The following EXT1 variants were observed in gnomAD, a reference collection of about 807,000 sequenced individuals.
EXT1 encodes the protein exostosin glycosyltransferase 1.
Under a neutral mutation model 82.5 loss-of-function variants are expected in EXT1, and 20 were observed. The ratio of observed to expected loss-of-function variants is 0.24; its 90% CI spans 0.17 to 0.35. EXT1 has a LOEUF of 0.35. Among genes scored for constraint, EXT1 ranks in the 10% least tolerant of loss-of-function variants. The pLI, the probability that EXT1 is intolerant of heterozygous loss-of-function variation, is 1.00. For synonymous variants in EXT1, 348 were observed against 350.8 expected (o/e 0.99, Z 0.09); for missense variants, 757 against 936.5 (o/e 0.81, Z 2.50).
intron 1 of EXT1, among the ~76,000 whole-genome samples, chr8:117,846,589 A>G (rs1483141187): frequency 6.6e-6 from 1 of 152,196 alleles, no homozygotes; most frequent in African/African-American, 2.4e-5. Flanking sequence ...GGGATTAACA[A>G]TAAAAGAGCC....
intron 1 of EXT1, among the ~76,000 whole-genome samples, chr8:117,880,864 T>G (rs1227332483): frequency 6.6e-6 from 1 of 152,244 alleles, no homozygotes; most frequent in Admixed American, 6.5e-5. Context: ...GTGCTGGGAT[T>G]ACAGGTGTGA....
At chr8:117,814,112 G>A (rs1811748879) in intron 7 of EXT1, among the ~76,000 whole-genome samples, 1 of 151,824 alleles carries the variant, frequency 6.6e-6, no homozygotes, top group Non-Finnish European at 1.5e-5. Flanking sequence ...AGAAGAAGAA[G>A]AAAAAATATT....
chr8:117,986,760 T>G (rs1175915823), intron 1 of EXT1, among the ~76,000 whole-genome samples: 1 of 152,182 alleles, frequency 6.6e-6, no homozygotes, highest in Non-Finnish European at 1.5e-5. Flanking sequence ...CCCCATAGCA[T>G]GGAAACATTT....
At chr8:117,945,447 G>A (rs1814368505) in intron 1 of EXT1, among the ~76,000 whole-genome samples, 1 of 152,184 alleles carries the variant, frequency 6.6e-6, no homozygotes. Context: ...AGGGGGGCAA[G>A]TTTAAGGATC....
intron 1 of EXT1, among the ~76,000 whole-genome samples, chr8:118,108,562 G>A (rs1817837734): frequency 6.6e-6 from 1 of 152,206 alleles, no homozygotes; most frequent in Admixed American, 6.5e-5. Context: ...ATACATAACT[G>A]CCCCTGGATG....
chr8:117,812,778 T>C, intron 8 of EXT1, 94 bp downstream of exon 8: 1 of 1,178,204 alleles, frequency 8.5e-7, no homozygotes, highest in African/African-American at 1.5e-5. Flanking sequence ...TTTCAACTTC[T>C]GCCAAGGCAC....
intron 1 of EXT1, among the ~76,000 whole-genome samples, chr8:117,916,300 G>A (rs1457903717): frequency 6.6e-6 from 1 of 152,162 alleles, no homozygotes. Context: ...CCAGAGGTGT[G>A]TTAAAATCTA....
intron 1 of EXT1, among the ~76,000 whole-genome samples, chr8:117,958,279 C>T (rs962430968): frequency 1.3e-5 from 2 of 152,126 alleles, no homozygotes; most frequent in African/African-American, 4.8e-5. Context: ...TGAAGGTTCA[C>T]AGGAGAAATA....
At chr8:118,005,002 G>C (rs1172203749) in intron 1 of EXT1, among the ~76,000 whole-genome samples, 2 of 152,174 alleles carry the variant, frequency 1.3e-5, no homozygotes, top group Non-Finnish European at 2.9e-5. Flanking sequence ...CCTGATCCTG[G>C]AAAATGATGT....
intron 1 of EXT1, among the ~76,000 whole-genome samples, chr8:117,861,126 C>T (rs1483293016): frequency 6.6e-6 from 1 of 152,154 alleles, no homozygotes; most frequent in Non-Finnish European, 1.5e-5. Context: ...TATCTTTCAG[C>T]CCTAACAATG....
intron 1 of EXT1, among the ~76,000 whole-genome samples, chr8:118,106,754 A>G (rs1000049560): frequency 5.9e-5 from 9 of 152,232 alleles, no homozygotes; most frequent in Admixed American, 3.9e-4. Context: ...ATAAGGATGC[A>G]TAAGTAGCTG....
intron 1 of EXT1, among the ~76,000 whole-genome samples, chr8:117,917,360 G>C (rs1813771689): frequency 6.6e-6 from 1 of 152,122 alleles, no homozygotes; most frequent in South Asian, 2.1e-4. Context: ...AGCTACTTGG[G>C]AGGCTGAGGC....
intron 5 of EXT1, among the ~76,000 whole-genome samples, chr8:117,821,053 T>C (rs1330280282): frequency 6.6e-6 from 1 of 152,228 alleles, no homozygotes; most frequent in Admixed American, 6.5e-5. Context: ...AAGAGCCTTT[T>C]AAAACTTCAT....
intron 7 of EXT1, among the ~76,000 whole-genome samples, chr8:117,813,676 A>C (rs1265825299): frequency 6.6e-6 from 1 of 152,244 alleles, no homozygotes; most frequent in African/African-American, 2.4e-5. Context: ...TAAAGTTACA[A>C]ATAACTTCAT....
At chr8:117,999,525 C>A (rs749230021) in intron 1 of EXT1, among the ~76,000 whole-genome samples, 1 of 152,198 alleles carries the variant, frequency 6.6e-6, no homozygotes, top group Non-Finnish European at 1.5e-5. Context: ...TCAGCTCCCA[C>A]AGAAACATAT....
intron 1 of EXT1, among the ~76,000 whole-genome samples, chr8:117,966,356 C>T (rs1563615397): frequency 6.6e-6 from 1 of 152,198 alleles, no homozygotes; most frequent in African/African-American, 2.4e-5. Flanking sequence ...TTTAGCACAG[C>T]CATGTGACAG....
At chr8:117,821,278 A>G (rs1811920797) in intron 5 of EXT1, among the ~76,000 whole-genome samples, 1 of 152,224 alleles carries the variant, frequency 6.6e-6, no homozygotes, top group African/African-American at 2.4e-5. Flanking sequence ...CAATATCTAG[A>G]TACATATTCA....
chr8:117,876,247 T>C (rs1812967973), intron 1 of EXT1, among the ~76,000 whole-genome samples: 1 of 152,116 alleles, frequency 6.6e-6, no homozygotes, highest in African/African-American at 2.4e-5. Context: ...CCAGAGGAAA[T>C]GACACTTGAA....
rs1365849870 is a variant in EXT1 at position 117,952,566 on chromosome 8, A to C, written c.963-115365T>G. On this transcript the variant is annotated intron_variant, in intron 1 of 10. Coordinates refer to ENST00000378204, the MANE Select transcript of EXT1 (RefSeq NM_000127.3). ...GCAGATCACTTGAGGTCAAGAGTAC[A>C]GCTTGGCCAACATGATGAAATCCCG... Among the ~76,000 whole-genome samples, 4 of 152,216 alleles carry C rather than the reference A, an allele frequency of 2.6e-5. No individual in the cohort carries two copies. In the East Asian group the frequency reaches 7.7e-4, roughly 29 times the overall value.
Sources: allele counts gnomAD v4.1 joint callset (sites outside exome capture counted in the v4.1 genomes callset), GRCh38; gene constraint gnomAD v4.1.1; transcripts MANE v1.5; gene names NCBI Gene and HGNC (gene_info 2026-07-23, HGNC 2026-07-21).